OR7G2: variants seen among roughly 807,000 people sequenced by gnomAD.
OR7G2 encodes olfactory receptor 7G2.
For missense variants in OR7G2, 362 were observed against 384.0 expected (o/e 0.94, Z 0.48); for synonymous variants, 153 against 152.2 (o/e 1.01, Z -0.04).
intron 1 of OR7G2, among the ~76,000 whole-genome samples, chr19:9,105,267 C>A (rs891672726): frequency 2.6e-5 from 4 of 152,080 alleles, no homozygotes; most frequent in African/African-American, 9.7e-5. Context: ...TGCGCCTGGC[C>A]TCTCCATTTT....
intron 1 of OR7G2, among the ~76,000 whole-genome samples, chr19:9,105,736 A>C (rs1901176546): frequency 6.6e-6 from 1 of 152,038 alleles, no homozygotes; most frequent in Non-Finnish European, 1.5e-5. Context: ...AATCCCAGCT[A>C]CTTGGGAGGC....
rs186080743 is a variant in OR7G2, at chr19:9,100,707, G to C, written c.*1562C>G. On this transcript the variant is annotated 3_prime_UTR_variant, in exon 2 of 2. Coordinates refer to ENST00000641081, the MANE Select transcript of OR7G2 (RefSeq NM_001005193.2). ...GGAGAATATAGTTTACCAGTGACTG[G>C]TCCCAGTAGTTACTAAATTGGGTAT... The C allele has an allele frequency of 1.3e-5, 2 of 152,106 alleles. No homozygotes were observed. The highest frequency in any genetic ancestry group is 4.8e-5 in the African/African-American group (2 of 41,408). The allele number at this position is 152,106 out of a possible 1,614,324, so 9.4% of individuals were successfully genotyped here.
chr19:9,106,210 G>A (rs1366450405), intron 1 of OR7G2, among the ~76,000 whole-genome samples: 2 of 151,916 alleles, frequency 1.3e-5, no homozygotes, highest in Non-Finnish European at 2.9e-5. Flanking sequence ...CTGAGATCAA[G>A]AGTTTGAGAT....
chr19:9,106,979 A>G (rs556353093), intron 1 of OR7G2, among the ~76,000 whole-genome samples: 1 of 152,104 alleles, frequency 6.6e-6, no homozygotes, highest in Non-Finnish European at 1.5e-5. Context: ...CTGAGGCGGG[A>G]GTACAAGAGG....
At chr19:9,107,018 G>A (rs901327578) in intron 1 of OR7G2, among the ~76,000 whole-genome samples, 13 of 151,202 alleles carry the variant, frequency 8.6e-5, no homozygotes, top group African/African-American at 2.7e-4. Context: ...CCTGGGCAAC[G>A]TAGTGAGAAC....
rs2050363040 is a variant in OR7G2 at position 9,102,877 on chromosome 19, A to G, written c.367T>C (p.Tyr123His). Residue 123 changes from tyrosine to histidine, a missense_variant, in exon 2 of 2, where the codon TAT becomes CAT. By Grantham distance (83) the Tyr-to-His change is moderately conservative. Transcript: ENST00000641081. ...CTAAGGGGGTGACAAATGGCCACAT[A>G]GCGGTCATAGGCCATTGCTGCAAGG... is the stretch of plus-strand genomic sequence containing the variant. Reference protein sequence around the residue: ...CLLAAMAYDRYVAICHPLRYT... With the variant: ...CLLAAMAYDRHVAICHPLRYT... The G allele has an allele frequency of 1.2e-6, 2 of 1,613,956 alleles. No individual in the cohort carries two copies. The highest frequency in any genetic ancestry group is 1.1e-5 in the South Asian group (1 of 91,084).
chr19:9,103,896 G>T (rs1252702365), intron 1 of OR7G2, among the ~76,000 whole-genome samples: 1 of 142,038 alleles, frequency 7.0e-6, no homozygotes, highest in Non-Finnish European at 1.5e-5. Context: ...GGGAGATAGG[G>T]TCTCACTCTG....
rs1447773614 is a variant in OR7G2 at position 9,100,979 on chromosome 19, C to G, written c.*1290G>C. ...ATAGCCAGAGTCCATCTCTACACCA[C>G]ACCCCACACTGGACGTGGTGGTGCA... On this transcript the variant is annotated 3_prime_UTR_variant, in exon 2 of 2. Coordinates refer to ENST00000641081, the MANE Select transcript of OR7G2 (RefSeq NM_001005193.2). 1 of 152,098 alleles carries G rather than the reference C, an allele frequency of 6.6e-6. No homozygotes were observed. Among genetic ancestry groups the G allele is most frequent in the Non-Finnish European group, 1.5e-5 (1 of 68,054 alleles). The allele number at this position is 152,098 out of a possible 1,614,324, so 9.4% of individuals were successfully genotyped here. A position where few individuals can be genotyped will look rare whatever the true frequency, so the allele number is the denominator to read the frequency against.
intron 1 of OR7G2, 106 bp downstream of exon 1, chr19:9,107,208 A>T (rs2050391016): frequency 6.6e-6 from 1 of 152,136 alleles, no homozygotes; most frequent in South Asian, 2.1e-4. Context: ...TCTCTAAAAA[A>T]ACCCCAAAAA....
rs192332490 is a variant in OR7G2 at position 9,103,081 on chromosome 19, G to T, written c.163C>A (p.Leu55Ile). 2.5e-6 allele frequency: 4 copies of T among 1,614,052 alleles called. No individual in the cohort carries two copies. Among genetic ancestry groups the T allele is most frequent in the Non-Finnish European group, 2.5e-6 (3 of 1,179,984 alleles). The change falls in exon 2 of 2, where the codon CTC (leucine) becomes ATC (isoleucine). Residue 55 changes from leucine to isoleucine, a missense_variant. By Grantham distance (5) the Leu-to-Ile change is conservative. Coordinates refer to ENST00000641081, the MANE Select transcript of OR7G2 (RefSeq NM_001005193.2). ...ILLAVISDSH[L>I]HTPMYFFLSN... ...AGGAAGAAGTACATGGGGGTGTGGA[G>T]GTGAGAGTCAGAGATGACAGCCAAG...
rs2050347901 is a variant in OR7G2, at chr19:9,100,408, A to G, written c.*1861T>C. On this transcript the variant is annotated 3_prime_UTR_variant, in exon 2 of 2. Coordinates refer to ENST00000641081, the MANE Select transcript of OR7G2 (RefSeq NM_001005193.2). The stretch of plus-strand genomic sequence containing the variant: ...GCTACCACACATGGCTAACTTTTGT[A>G]TTTTTAGTAGAGATGGGGTTTCACC... 1 of 151,870 alleles carries G rather than the reference A, an allele frequency of 6.6e-6. No homozygotes were observed. Among genetic ancestry groups the G allele is most frequent in the Non-Finnish European group, 1.5e-5 (1 of 67,994 alleles). The allele number at this position is 151,870 out of a possible 1,614,324, so 9.4% of individuals were successfully genotyped here.
chr19:9,103,228 G>A lies in OR7G2; in HGVS notation c.16C>T (p.Gln6Ter). Residue 6 changes from glutamine to a stop codon, truncating the protein, a stop_gained, in exon 2 of 2, where the codon CAA becomes TAA. Coordinates refer to ENST00000641081, the MANE Select transcript of OR7G2 (RefSeq NM_001005193.2). LOFTEE classifies it low-confidence loss of function (END_TRUNC). MEARN[Q>*]TAISKFLLLG... ...AGAAGGAATTTTGAAATAGCTGTTT[G>A]GTTTCTCGCTTCCATGCTGTTGATG... 6.2e-7 allele frequency: 1 copy of A among 1,613,966 alleles called. No homozygotes were observed. The highest frequency in any genetic ancestry group is 8.5e-7 in the Non-Finnish European group (1 of 1,179,932).
Position 9,102,775 on chromosome 19 carries a change from G to T in OR7G2, c.469C>A (p.Leu157Ile). Residue 157 changes from leucine (L) to isoleucine (I), a missense_variant, in exon 2 of 2, where the codon CTT (leucine) becomes ATT (isoleucine). Physicochemically the swap from Leu to Ile is conservative, Grantham distance 5. Coordinates refer to ENST00000641081, the MANE Select transcript of OR7G2 (RefSeq NM_001005193.2). ...LSLLTSVVNA[L>I]LLSLMVLRLS... ...CTCAACACCATCAGGCTGAGAAGAA[G>T]GGCATTCACAACACTAGTCAACAGA... The T allele has an allele frequency of 6.2e-7, 1 of 1,614,080 alleles. No homozygotes were observed. The highest frequency in any genetic ancestry group is 1.3e-5 in the African/African-American group (1 of 75,026).
In OR7G2 at chr19:9,104,307, CAGCAT is replaced by C. The variant is rs573526186; in HGVS notation, c.-16-1053_-16-1049del. Among the ~76,000 whole-genome samples, 26 of 152,266 alleles carry C rather than the reference CAGCAT, an allele frequency of 1.7e-4. No homozygotes were observed. The East Asian group carries it at 3.1e-3, about 18-fold the overall frequency. On this transcript the variant is annotated intron_variant, in intron 1 of 1. Transcript: ENST00000641081. The stretch of plus-strand genomic sequence containing the variant: ...CCACATGTACCTTTGGGATTCTTAT[CAGCAT>C]AGAGCTCCAAACAGCGCTAGAGATA...
At chr19:9,105,207 A>T (rs1232403211) in intron 1 of OR7G2, among the ~76,000 whole-genome samples, 3 of 151,970 alleles carry the variant, frequency 2.0e-5, no homozygotes, top group Non-Finnish European at 4.4e-5. Context: ...TGACCTTGTG[A>T]TCCACCTGCC....
intron 1 of OR7G2, among the ~76,000 whole-genome samples, chr19:9,104,436 C>G (rs2050374510): frequency 6.6e-6 from 1 of 152,072 alleles, no homozygotes; most frequent in Admixed American, 6.6e-5. Context: ...TTACCCAAAA[C>G]AAATGAATAT....
intron 1 of OR7G2, 21 bp from the exon 2 acceptor site, chr19:9,103,280 A>G (rs779902835): frequency 6.2e-7 from 1 of 1,613,282 alleles, no homozygotes. Context: ...AGATAATAAA[A>G]TCTGTAAGCA....
chr19:9,104,177 A>G (rs999479302), intron 1 of OR7G2, among the ~76,000 whole-genome samples: 3 of 152,102 alleles, frequency 2.0e-5, no homozygotes, highest in African/African-American at 7.2e-5. Flanking sequence ...GTGAGCCATC[A>G]CGCTCGGCCA....
In OR7G2 at chr19:9,102,895, C is replaced by G. The variant is rs138238326; in HGVS notation, c.349G>C (p.Ala117Pro). Residue 117 changes from alanine (A) to proline (P), a missense_variant, in exon 2 of 2, where the codon GCA (alanine) becomes CCA (proline). Coordinates refer to ENST00000641081, the MANE Select transcript of OR7G2 (RefSeq NM_001005193.2). The part of the protein sequence containing the change: ...FAGLENCLLA[A>P]MAYDRYVAIC... ...GCCACATAGCGGTCATAGGCCATTG[C>G]TGCAAGGAGACAATTTTCCAAGCCA... 6.2e-7 allele frequency: 1 copy of G among 1,613,924 alleles called. No individual in the cohort carries two copies. Among genetic ancestry groups the G allele is most frequent in the African/African-American group, 1.3e-5 (1 of 74,878 alleles).
Sources: allele counts gnomAD v4.1 joint callset (sites outside exome capture counted in the v4.1 genomes callset), GRCh38; gene constraint gnomAD v4.1.1; transcripts MANE v1.5; gene names NCBI Gene and HGNC (gene_info 2026-07-23, HGNC 2026-07-21).